PRKCH: variants seen among roughly 807,000 people sequenced by gnomAD.
PRKCH encodes protein kinase C eta.
A neutral mutation model predicts 82.5 loss-of-function variants in PRKCH; 28 were observed. The ratio of observed to expected loss-of-function variants is 0.34; its 90% CI spans 0.25 to 0.47. PRKCH has a LOEUF of 0.47. PRKCH is among the 20% of genes least tolerant of loss of function. PRKCH has a pLI of 1.00. For synonymous variants in PRKCH, 322 were observed against 327.4 expected (o/e 0.98, Z 0.18); for missense variants, 705 against 881.8 (o/e 0.80, Z 2.54).
At chr14:61,223,087 T>C (rs1488054245) in intron 1 of PRKCH, among the ~76,000 whole-genome samples, 2 of 152,222 alleles carry the variant, frequency 1.3e-5, no homozygotes, top group East Asian at 3.8e-4. Flanking sequence ...GGGATTTAAA[T>C]GATGAAATCC....
At chr14:61,389,249 C>T (rs993440060) in intron 1 of PRKCH, among the ~76,000 whole-genome samples, 1 of 151,866 alleles carries the variant, frequency 6.6e-6, no homozygotes, top group Non-Finnish European at 1.5e-5. Context: ...ACTTGGGGGG[C>T]TGAGGCAGGA....
chr14:61,521,531 A>G (rs1240726395), intron 10 of PRKCH, among the ~76,000 whole-genome samples: 1 of 152,038 alleles, frequency 6.6e-6, no homozygotes, highest in Non-Finnish European at 1.5e-5. Flanking sequence ...TTCTGAATGT[A>G]CAAGATTGAT....
intron 2 of PRKCH, among the ~76,000 whole-genome samples, chr14:61,410,388 C>G (rs1882202987): frequency 6.6e-6 from 1 of 152,184 alleles, no homozygotes; most frequent in South Asian, 2.1e-4. Context: ...TTGGGTTAAT[C>G]TTTTTACTCT....
chr14:61,321,769 A>T lies in PRKCH; in HGVS notation c.-333A>T. ...ACCGGACGGGTAGGTCCGGCTCTCC[A>T]GGGAGAGGAGCTGCCCGGCCCTGGA... On this transcript the variant is annotated 5_prime_UTR_variant, in exon 1 of 14. Coordinates refer to ENST00000332981, the MANE Select transcript of PRKCH (RefSeq NM_006255.5). The surrounding 1 kb of genome is among the most constrained non-coding windows in gnomAD (Gnocchi z 4.1). 2 of 211,718 alleles carry T rather than the reference A, an allele frequency of 9.4e-6. No homozygotes were observed. Among genetic ancestry groups the T allele is most frequent in the Non-Finnish European group, 1.9e-5 (2 of 105,202 alleles). The allele number at this position is 211,718 out of a possible 1,614,324, so 13.1% of individuals were successfully genotyped here.
At chr14:61,257,896 T>G (rs2045013010) in intron 1 of PRKCH, among the ~76,000 whole-genome samples, 1 of 152,142 alleles carries the variant, frequency 6.6e-6, no homozygotes, top group East Asian at 1.9e-4. Context: ...AGCATGGCAC[T>G]TCAGCACTAG....
chr14:61,526,705 C>T (rs963303742), intron 10 of PRKCH, among the ~76,000 whole-genome samples: 2 of 152,192 alleles, frequency 1.3e-5, no homozygotes, highest in African/African-American at 4.8e-5. Flanking sequence ...AATAGAACCT[C>T]GAGTGCCCTG....
At chr14:61,313,497 G>T (rs61993667) in intron 1 of PRKCH, among the ~76,000 whole-genome samples, 4,490 of 152,210 alleles carry the variant, frequency 0.029, 156 homozygotes, top group East Asian at 0.13. Context: ...TTGCTCTGTT[G>T]CCCAGGCTGG....
At chr14:61,534,615 T>TA (rs1160565594) in intron 12 of PRKCH, among the ~76,000 whole-genome samples, 1 of 152,210 alleles carries the variant, frequency 6.6e-6, no homozygotes, top group Non-Finnish European at 1.5e-5. Context: ...CCCTTAATTT[T>TA]ATAGAGCTTT....
chr14:61,346,775 C>T (rs189265660), intron 1 of PRKCH, among the ~76,000 whole-genome samples: 273 of 152,294 alleles, frequency 1.8e-3, no homozygotes, highest in African/African-American at 4.8e-3. Context: ...CATCTTTCTG[C>T]CTGTGTTTTG....
At chr14:61,375,648 C>T (rs1200357523) in intron 1 of PRKCH, among the ~76,000 whole-genome samples, 2 of 151,862 alleles carry the variant, frequency 1.3e-5, no homozygotes, top group African/African-American at 2.4e-5. Flanking sequence ...TTCAAACAAC[C>T]AGATCTCGTG....
chr14:61,240,109 A>G (rs2044823590), intron 1 of PRKCH, among the ~76,000 whole-genome samples: 1 of 152,166 alleles, frequency 6.6e-6, no homozygotes, highest in Non-Finnish European at 1.5e-5. Context: ...ATACGGCTCC[A>G]GTGACTGTAG....
intron 1 of PRKCH, among the ~76,000 whole-genome samples, chr14:61,231,428 T>A (rs1050009929): frequency 6.7e-6 from 1 of 149,564 alleles, no homozygotes; most frequent in African/African-American, 2.5e-5. Context: ...AGTGGCGCGA[T>A]CTCGGCTCAC....
intron 9 of PRKCH, among the ~76,000 whole-genome samples, chr14:61,481,140 C>G (rs930660181): frequency 2.0e-5 from 3 of 152,222 alleles, no homozygotes; most frequent in Non-Finnish European, 4.4e-5. Context: ...CATGAGCTTA[C>G]TGAGAGCAGT....
chr14:61,488,109 G>A (rs954757374), intron 10 of PRKCH, among the ~76,000 whole-genome samples: 23 of 151,642 alleles, frequency 1.5e-4, no homozygotes, highest in African/African-American at 5.6e-4. Flanking sequence ...AGCCGAGATC[G>A]CGCCACCGCA....
chr14:61,453,919 A>C (rs1194928184), intron 7 of PRKCH, among the ~76,000 whole-genome samples: 1 of 151,954 alleles, frequency 6.6e-6, no homozygotes, highest in Non-Finnish European at 1.5e-5. Flanking sequence ...TGGCCTCCCA[A>C]AGTGTTGGGA....
At chr14:61,510,725 G>A (rs1166560752) in intron 10 of PRKCH, among the ~76,000 whole-genome samples, 1 of 152,076 alleles carries the variant, frequency 6.6e-6, no homozygotes, top group African/African-American at 2.4e-5. Context: ...CAACTGCAAG[G>A]TAAAGTGTCA....
intron 2 of PRKCH, among the ~76,000 whole-genome samples, chr14:61,424,084 C>T (rs1230623598): frequency 2.0e-5 from 3 of 152,242 alleles, no homozygotes; most frequent in Non-Finnish European, 2.9e-5. Flanking sequence ...TAAGACATAT[C>T]TGCTTCCCCT....
At chr14:61,411,267 G>A (rs1211901879) in intron 2 of PRKCH, among the ~76,000 whole-genome samples, 2 of 152,174 alleles carry the variant, frequency 1.3e-5, no homozygotes, top group East Asian at 1.9e-4. Flanking sequence ...TGGTGTCAAC[G>A]GATGATTATG....
intron 1 of PRKCH, among the ~76,000 whole-genome samples, chr14:61,267,931 T>C (rs1187987567): frequency 6.6e-6 from 1 of 152,226 alleles, no homozygotes; most frequent in Admixed American, 6.5e-5. Flanking sequence ...CTTTTATATT[T>C]GTTTAGATAG....
Sources: allele counts gnomAD v4.1 joint callset (sites outside exome capture counted in the v4.1 genomes callset), GRCh38; gene constraint gnomAD v4.1.1; non-coding constraint Gnocchi (gnomAD v3.1); transcripts MANE v1.5; gene names NCBI Gene and HGNC (gene_info 2026-07-23, HGNC 2026-07-21).